Variants in NRXN1 observed in about 807,000 individuals in gnomAD.
The protein encoded by NRXN1 is neurexin-1.
NRXN1 carries 39 observed loss-of-function variants against 150.9 expected under a neutral mutation model. The observed-to-expected ratio is 0.26, with a 90% CI of 0.20 to 0.34. The LOEUF is 0.34. NRXN1 is among the 10% of genes least tolerant of loss of function. The pLI is 1.00. For missense variants in NRXN1, 1,815 were observed against 1,949.9 expected (o/e 0.93, Z 1.30); for synonymous variants, 924 against 757.0 (o/e 1.22, Z -3.62).
chr2:50,105,818 G>C (rs953184642), intron 18 of NRXN1, among the ~76,000 whole-genome samples: 1 of 151,874 alleles, frequency 6.6e-6, no homozygotes, highest in Admixed American at 6.6e-5. Flanking sequence ...CACTTTGGTT[G>C]TATCAAAAAA....
chr2:50,887,339 A>G (rs887403417), intron 5 of NRXN1, among the ~76,000 whole-genome samples: 2 of 151,530 alleles, frequency 1.3e-5, no homozygotes, highest in East Asian at 1.9e-4. Flanking sequence ...CAAAAGGAAT[A>G]TCAGTTTCAG....
chr2:50,919,452 GA>G (rs1389998800), intron 5 of NRXN1: 2 of 151,734 alleles, frequency 1.3e-5, no homozygotes, highest in Admixed American at 6.6e-5. Flanking sequence ...TCATAAAGAA[GA>G]AATCAAAATA....
chr2:50,781,362 A>G (rs1207509042), intron 5 of NRXN1, among the ~76,000 whole-genome samples: 3 of 152,178 alleles, frequency 2.0e-5, no homozygotes, highest in Non-Finnish European at 4.4e-5. Flanking sequence ...CCTTGAAATG[A>G]AAGTCTGGGG....
rs564198826 is a variant in NRXN1 at position 50,367,696 on chromosome 2, A to G, written c.3364+97746T>C. Among the ~76,000 whole-genome samples the G allele has an allele frequency of 6.6e-5, 10 of 152,086 alleles. No homozygotes were observed. The South Asian group carries it at 2.1e-3, about 32-fold the overall frequency. On this transcript the variant is annotated intron_variant, in intron 17 of 22. Transcript: ENST00000401669. ...GAAATGGCCCTGCAAATGGAATCTA[A>G]CTGGAGCTGAATGAGTATTCTTGCC...
At chr2:50,860,723 A>G (rs527267385) in intron 5 of NRXN1, among the ~76,000 whole-genome samples, 7 of 152,050 alleles carry the variant, frequency 4.6e-5, no homozygotes, top group Non-Finnish European at 8.8e-5. Context: ...TCATTTCCTG[A>G]GTTCTTCCTC....
intron 17 of NRXN1, among the ~76,000 whole-genome samples, chr2:50,390,288 T>A (rs2081600247): frequency 6.6e-6 from 1 of 152,172 alleles, no homozygotes; most frequent in Admixed American, 6.5e-5. Flanking sequence ...TTTTCCTAAC[T>A]TCTCCTCCTG....
At chr2:50,429,883 T>C (rs1159809763) in intron 17 of NRXN1, among the ~76,000 whole-genome samples, 1 of 152,160 alleles carries the variant, frequency 6.6e-6, no homozygotes, top group Non-Finnish European at 1.5e-5. Context: ...GTGATCAAAA[T>C]ACCTGCTGCA....
chr2:50,911,550 T>C (rs561797397), intron 5 of NRXN1, among the ~76,000 whole-genome samples: 1 of 152,104 alleles, frequency 6.6e-6, no homozygotes, highest in South Asian at 2.1e-4. Flanking sequence ...ATTCTTGTTT[T>C]ATTTAATGGT....
chr2:50,759,799 A>G (rs1192615841), intron 5 of NRXN1, among the ~76,000 whole-genome samples: 1 of 150,840 alleles, frequency 6.6e-6, no homozygotes, highest in Admixed American at 6.6e-5. Flanking sequence ...TTTCTGACCA[A>G]TGCTTAGCAC....
intron 21 of NRXN1, among the ~76,000 whole-genome samples, chr2:50,039,707 T>C (rs1882296): frequency 0.38 from 58,180 of 151,942 alleles, 11,708 homozygotes; most frequent in Middle Eastern, 0.51. Flanking sequence ...GAGATAAGGT[T>C]TGATAGAATT....
At chr2:50,780,640 G>T (rs1574452793) in intron 5 of NRXN1, among the ~76,000 whole-genome samples, 1 of 151,920 alleles carries the variant, frequency 6.6e-6, no homozygotes, top group Non-Finnish European at 1.5e-5. Context: ...GTTAGCCTTG[G>T]TCTACTCATG....
intron 8 of NRXN1, chr2:50,554,310 C>T (rs1361705541): frequency 1.3e-5 from 2 of 152,106 alleles, no homozygotes; most frequent in East Asian, 1.9e-4. Flanking sequence ...AGCAGTTATT[C>T]CAAACCCATG....
intron 18 of NRXN1, among the ~76,000 whole-genome samples, chr2:50,201,694 G>C (rs1338193129): frequency 6.6e-6 from 1 of 152,124 alleles, no homozygotes; most frequent in East Asian, 1.9e-4. Context: ...CCATACACAC[G>C]CATTATCCTC....
At chr2:50,372,462 G>A (rs142214743) in intron 17 of NRXN1, among the ~76,000 whole-genome samples, 3 of 152,136 alleles carry the variant, frequency 2.0e-5, no homozygotes, top group Non-Finnish European at 4.4e-5. Context: ...TAGTCATGAG[G>A]TTCACCTAAA....
At chr2:50,298,450 C>T (rs1217267581) in intron 17 of NRXN1, among the ~76,000 whole-genome samples, 1 of 152,030 alleles carries the variant, frequency 6.6e-6, no homozygotes, top group Non-Finnish European at 1.5e-5. Flanking sequence ...TGAAAGACCT[C>T]CTAAAAATTA....
intron 17 of NRXN1, among the ~76,000 whole-genome samples, chr2:50,260,923 G>C (rs760869274): frequency 7.9e-5 from 12 of 151,554 alleles, no homozygotes; most frequent in Non-Finnish European, 1.3e-4. Flanking sequence ...TTTGAGTCAG[G>C]TTAAATTGGG....
At chr2:50,186,178 C>T (rs1432009429) in intron 18 of NRXN1, among the ~76,000 whole-genome samples, 1 of 152,088 alleles carries the variant, frequency 6.6e-6, no homozygotes, top group African/African-American at 2.4e-5. Context: ...GTGGCCATAA[C>T]TCTCACAAAG....
At chr2:50,000,611 T>C (rs1358291749) in intron 21 of NRXN1, among the ~76,000 whole-genome samples, 2 of 152,188 alleles carry the variant, frequency 1.3e-5, no homozygotes, top group South Asian at 4.1e-4. Flanking sequence ...ATAAAGTTGC[T>C]CTGCATCAAC....
intron 21 of NRXN1, among the ~76,000 whole-genome samples, chr2:50,010,582 T>C (rs1685489795): frequency 6.6e-6 from 1 of 152,074 alleles, no homozygotes. Context: ...ACCATCTGCA[T>C]GCATTCTCTC....
Sources: allele counts gnomAD v4.1 joint callset (sites outside exome capture counted in the v4.1 genomes callset), GRCh38; gene constraint gnomAD v4.1.1; transcripts MANE v1.5; gene names NCBI Gene and HGNC (gene_info 2026-07-23, HGNC 2026-07-21).